The following LRRC7 variants were observed in gnomAD, a reference collection of about 807,000 sequenced individuals.
LRRC7 encodes leucine-rich repeat-containing protein 7.
In LRRC7, 23 loss-of-function variants were observed where a neutral mutation model predicts 175.7. That is an observed-to-expected ratio of 0.13 (90% CI 0.09 to 0.19). LRRC7 has a LOEUF of 0.19. Ranked by LOEUF, LRRC7 falls within the 10% of genes least tolerant of loss-of-function variation. LRRC7 has a pLI of 1.00. For missense variants in LRRC7, 1,354 were observed against 1,904.7 expected (o/e 0.71, Z 5.38); for synonymous variants, 685 against 680.9 (o/e 1.01, Z -0.09).
intron 8 of LRRC7, 25 bp downstream of exon 8, chr1:69,931,595 T>C: frequency 1.3e-6 from 2 of 1,567,656 alleles, no homozygotes; most frequent in Non-Finnish European, 1.8e-6. Context: ...TTTCTAAACC[T>C]GATAAATACC....
intron 24 of LRRC7, among the ~76,000 whole-genome samples, chr1:70,088,427 T>G (rs1663772469): frequency 6.6e-6 from 1 of 152,066 alleles, no homozygotes; most frequent in South Asian, 2.1e-4. Flanking sequence ...TCAGGCATGG[T>G]GGCATACACC....
At chr1:69,649,794 T>G (rs1158170596) in intron 1 of LRRC7, among the ~76,000 whole-genome samples, 3 of 152,046 alleles carry the variant, frequency 2.0e-5, no homozygotes, top group African/African-American at 7.2e-5. Context: ...GCAAGCAGCT[T>G]TAGACATTAC....
At chr1:69,731,716 A>G (rs1212197245) in intron 2 of LRRC7, among the ~76,000 whole-genome samples, 1 of 152,224 alleles carries the variant, frequency 6.6e-6, no homozygotes, top group Non-Finnish European at 1.5e-5. Flanking sequence ...TTCAATGTCC[A>G]AAGTATTAAA....
rs1317537934 is a variant in LRRC7, at chr1:70,132,766, C to T, written c.*10879C>T. 6.6e-6 allele frequency among the ~76,000 whole-genome samples: 1 copy of T among 152,014 alleles called. No individual in the cohort carries two copies. Among genetic ancestry groups the T allele is most frequent in the Non-Finnish European group, 1.5e-5 (1 of 67,994 alleles). On this transcript the variant is annotated 3_prime_UTR_variant, in exon 27 of 27. Transcript: ENST00000651989. The stretch of plus-strand genomic sequence containing the variant: ...GATTACAGGCGTGAGACACCGCGCC[C>T]GGCCGTACTTTTCTTAAATAAAGAC...
chr1:70,136,647 C>T lies in LRRC7; in HGVS notation c.*14760C>T, dbSNP rs890503518. Among the ~76,000 whole-genome samples the T allele has an allele frequency of 6.6e-6, 1 of 150,890 alleles. No individual in the cohort carries two copies. Among genetic ancestry groups the T allele is most frequent in the African/African-American group, 2.4e-5 (1 of 40,942 alleles). On this transcript the variant is annotated 3_prime_UTR_variant, in exon 27 of 27. Coordinates refer to ENST00000651989, the MANE Select transcript of LRRC7 (RefSeq NM_001370785.2). The stretch of plus-strand genomic sequence containing the variant: ...AGGTACAAAATATGAGGAAAGAACA[C>T]TGTATTGTCACCTTCTCTCACAGTT...
intron 4 of LRRC7, among the ~76,000 whole-genome samples, chr1:69,801,337 T>C (rs772798718): frequency 2.6e-5 from 4 of 151,912 alleles, no homozygotes; most frequent in Middle Eastern, 3.4e-3. Context: ...TCTGAATCCA[T>C]CTGGTCCTGG....
At chr1:69,771,874 A>C (rs1051663006) in intron 3 of LRRC7, among the ~76,000 whole-genome samples, 1 of 152,210 alleles carries the variant, frequency 6.6e-6, no homozygotes, top group African/African-American at 2.4e-5. Flanking sequence ...CAATCCCAGC[A>C]CTTTGGGATG....
chr1:69,882,706 T>C (rs1264503452), intron 7 of LRRC7, among the ~76,000 whole-genome samples: 3 of 151,230 alleles, frequency 2.0e-5, no homozygotes, highest in Non-Finnish European at 2.9e-5. Flanking sequence ...GCTGGTGTGC[T>C]GCACCCACTA....
chr1:70,052,238 G>C (rs751194522), intron 22 of LRRC7, among the ~76,000 whole-genome samples: 1 of 152,044 alleles, frequency 6.6e-6, no homozygotes, highest in Non-Finnish European at 1.5e-5. Flanking sequence ...GATGGTATGT[G>C]ATTGCTTGCT....
Position 69,919,462 on chromosome 1 carries a change from C to CG in LRRC7, c.648-12043dup. On this transcript the variant is annotated intron_variant, in intron 7 of 26. Coordinates refer to ENST00000651989, the MANE Select transcript of LRRC7 (RefSeq NM_001370785.2). ...CATCACTAACCCCAGCCAGTGGGAGCGGCCCAGCGGGAACAGCAGCAGTGG... is the reference window on the plus strand; with the variant it reads ...CATCACTAACCCCAGCCAGTGGGAGCGGGCCCAGCGGGAACAGCAGCAGTGG... 16 of 990,160 alleles carry CG rather than the reference C, an allele frequency of 1.6e-5. No homozygotes were observed. In the South Asian group the frequency reaches 2.0e-4, roughly 12 times the overall value. 61.3% of individuals were successfully genotyped at this position (990,160 alleles called of 1,614,324 possible).
chr1:69,715,196 C>T (rs892454532), intron 2 of LRRC7, among the ~76,000 whole-genome samples: 1 of 152,010 alleles, frequency 6.6e-6, no homozygotes, highest in African/African-American at 2.4e-5. Flanking sequence ...ATCAATCCTC[C>T]CTTTAAGACT....
At chr1:69,787,837 C>A (rs1251108873) in intron 3 of LRRC7, among the ~76,000 whole-genome samples, 1 of 152,128 alleles carries the variant, frequency 6.6e-6, no homozygotes, top group South Asian at 2.1e-4. Flanking sequence ...GTCCCTCCCA[C>A]AATATGTGAG....
At chr1:69,907,352 A>T (rs920351031) in intron 7 of LRRC7, among the ~76,000 whole-genome samples, 9 of 152,108 alleles carry the variant, frequency 5.9e-5, no homozygotes, top group Non-Finnish European at 1.2e-4. Flanking sequence ...TTTCAAAGGG[A>T]ATGCTTCCAG....
At chr1:70,119,096 G>T (rs1666048538) in intron 26 of LRRC7, among the ~76,000 whole-genome samples, 1 of 149,446 alleles carries the variant, frequency 6.7e-6, no homozygotes, top group Non-Finnish European at 1.5e-5. Context: ...AACCATTTTT[G>T]AACGCTTTAT....
intron 23 of LRRC7, among the ~76,000 whole-genome samples, chr1:70,059,033 A>C (rs183799316): frequency 6.6e-5 from 10 of 152,360 alleles, no homozygotes; most frequent in African/African-American, 2.4e-4. Context: ...GGCTACAGTG[A>C]CATATTAAAA....
chr1:69,828,810 G>T (rs140873285), intron 5 of LRRC7, among the ~76,000 whole-genome samples: 1 of 151,814 alleles, frequency 6.6e-6, no homozygotes, highest in African/African-American at 2.4e-5. Context: ...AAACTTCTAC[G>T]TTGTGTTCTT....
intron 1 of LRRC7, among the ~76,000 whole-genome samples, chr1:69,588,801 T>A (rs1646503459): frequency 6.6e-6 from 1 of 152,204 alleles, no homozygotes; most frequent in African/African-American, 2.4e-5. Context: ...TCACAAATTC[T>A]GATGTGACAA....
At chr1:69,777,304 T>A (rs1447228671) in intron 3 of LRRC7, among the ~76,000 whole-genome samples, 1 of 152,150 alleles carries the variant, frequency 6.6e-6, no homozygotes, top group Non-Finnish European at 1.5e-5. Context: ...GATGACATTG[T>A]TAAATGGAAT....
At chr1:69,712,544 G>A (rs1557634122) in intron 2 of LRRC7, among the ~76,000 whole-genome samples, 1 of 152,178 alleles carries the variant, frequency 6.6e-6, no homozygotes, top group Non-Finnish European at 1.5e-5. Flanking sequence ...GGCAGCGGTT[G>A]CAGTGAGCCA....
Sources: gnomAD v4.1 joint callset for allele counts (sites outside exome capture counted in the v4.1 genomes callset) on GRCh38, gnomAD v4.1.1 for gene constraint, MANE v1.5 for transcripts, NCBI Gene and HGNC (gene_info 2026-07-23, HGNC 2026-07-21) for gene names.